MAN2B1: variants seen among roughly 807,000 people sequenced by gnomAD.
MAN2B1 encodes mannosidase alpha class 2B member 1, also known as lysosomal alpha-mannosidase.
Under a neutral mutation model 127.5 loss-of-function variants are expected in MAN2B1, and 99 were observed. The ratio of observed to expected loss-of-function variants is 0.78; its 90% CI spans 0.66 to 0.92. The LOEUF is 0.92. MAN2B1 is among the 40% of genes least tolerant of loss of function. The pLI is 0.00. For synonymous variants in MAN2B1, 573 were observed against 568.8 expected (o/e 1.01, Z -0.11); for missense variants, 1,304 against 1,384.8 (o/e 0.94, Z 0.93).
chr19:12,666,498 T>C, intron 1 of MAN2B1, 45 bp downstream of exon 1: 9 of 1,556,246 alleles, frequency 5.8e-6, no homozygotes, highest in Non-Finnish European at 7.8e-6. Context: ...GTATTCTGGG[T>C]TTCACTCTGC....
At chr19:12,649,726 C>T (rs561831927) in intron 18 of MAN2B1, among the ~76,000 whole-genome samples, 187 bp downstream of exon 18, 5 of 151,974 alleles carry the variant, frequency 3.3e-5, no homozygotes, top group Admixed American at 2.6e-4. Context: ...TTGTGATCTG[C>T]CCGCCTCGGC....
intron 6 of MAN2B1, among the ~76,000 whole-genome samples, chr19:12,661,863 G>A (rs1210181056): frequency 6.7e-6 from 1 of 148,194 alleles, no homozygotes; most frequent in Non-Finnish European, 1.5e-5. Context: ...TTTTTTTTTT[G>A]AGACAGAGTT....
rs1458498481 is a variant in MAN2B1, at chr19:12,650,360, T to TC, written c.2047-139_2047-138insG. 3 of 347,670 alleles carry TC rather than the reference T, an allele frequency of 8.6e-6. No homozygotes were observed. In the South Asian group the frequency reaches 1.2e-4, roughly 14 times the overall value. The allele number at this position is 347,670 out of a possible 1,614,324, so 21.5% of individuals were successfully genotyped here. A position where few individuals can be genotyped will look rare whatever the true frequency, so the allele number is the denominator to read the frequency against. The stretch of plus-strand genomic sequence containing the variant: ...CTTCAGTCACCGCCACATAATTCTT[T>TC]TTTTTTTTTTTTTTTTGAGACGGAG... On this transcript the variant is annotated intron_variant, in intron 16 of 23. Transcript: ENST00000456935.
chr19:12,660,978 C>A (rs147341886), intron 7 of MAN2B1: 1 of 373,812 alleles, frequency 2.7e-6, no homozygotes, highest in Non-Finnish European at 5.2e-6. Flanking sequence ...AGGCTGGTCT[C>A]GAATTCCTGA....
At chr19:12,663,013 C>T (rs1269745928) in intron 6 of MAN2B1, among the ~76,000 whole-genome samples, 4 of 151,144 alleles carry the variant, frequency 2.6e-5, no homozygotes, top group African/African-American at 4.9e-5. Context: ...TGCCTGTAAT[C>T]CCGGCACTTT....
At chr19:12,659,297 CTTT>C (rs34781385) in intron 7 of MAN2B1, among the ~76,000 whole-genome samples, 1,324 of 113,914 alleles carry the variant, frequency 0.012, 15 homozygotes, top group African/African-American at 0.039. Context: ...GCTCAATAAA[CTTT>C]TTTTTTTTTT....
Position 12,656,699 on chromosome 19 carries a change from G to T in MAN2B1, c.1528-12C>A. ...ACGATGACCTGGAACTGGGGAGGCG[G>T]GGGTCAGAGAGGGCATGGGTCACAG... On this transcript the variant is annotated splice_polypyrimidine_tract_variant and intron_variant, in intron 12 of 23. Coordinates refer to ENST00000456935, the MANE Select transcript of MAN2B1 (RefSeq NM_000528.4). 6.3e-7 allele frequency: 1 copy of T among 1,583,176 alleles called. No homozygotes were observed. The highest frequency in any genetic ancestry group is 8.7e-7 in the Non-Finnish European group (1 of 1,151,990).
Position 12,656,952 on chromosome 19 carries a change from C to T in MAN2B1, c.1524G>A (p.Ala508=), listed in dbSNP as rs1487601808. 1 of 1,612,648 alleles carries T rather than the reference C, an allele frequency of 6.2e-7. No homozygotes were observed. The highest frequency in any genetic ancestry group is 8.5e-7 in the Non-Finnish European group (1 of 1,179,344). ...ISICPLSQTA[A]RFQVIVYNPL... Reference sequence around the variant, plus strand: ...CACCCCTCCCGTCCCGGCTCACGCGCGCCGCCGTCTGGCTGAGCGGGCAGA... The same window carrying T: ...CACCCCTCCCGTCCCGGCTCACGCGTGCCGCCGTCTGGCTGAGCGGGCAGA... The change falls in exon 12 of 24, where the codon GCG becomes GCA. Residue 508 remains alanine (A), a synonymous_variant. Coordinates refer to ENST00000456935, the MANE Select transcript of MAN2B1 (RefSeq NM_000528.4).
At position 12,647,715 on chromosome 19, in the gene MAN2B1, G is replaced by C. The variant is rs1029823733; in HGVS notation, c.2665-117C>G. 1.6e-5 allele frequency: 13 copies of C among 826,986 alleles called. No individual in the cohort carries two copies. The highest frequency in any genetic ancestry group is 2.3e-5 in the Non-Finnish European group (12 of 532,826). 51.2% of individuals were successfully genotyped at this position (826,986 alleles called of 1,614,324 possible). On this transcript the variant is annotated intron_variant, in intron 21 of 23. Coordinates refer to ENST00000456935, the MANE Select transcript of MAN2B1 (RefSeq NM_000528.4). The surrounding 1 kb of genome is among the most constrained non-coding windows in gnomAD (Gnocchi z 4.9). ...TGTAGGGGCGGGGTTTCGCCGGAGA[G>C]GGGCAAGGCTCAGCCGAGAGGAGCG...
At position 12,646,522 on chromosome 19, in the gene MAN2B1, T is replaced by TA. The variant is rs2023690927; in HGVS notation, c.*97dup. 1 of 901,298 alleles carries TA rather than the reference T, an allele frequency of 1.1e-6. No homozygotes were observed. Among genetic ancestry groups the TA allele is most frequent in the Non-Finnish European group, 1.8e-6 (1 of 541,818 alleles). 55.8% of individuals were successfully genotyped at this position (901,298 alleles called of 1,614,324 possible). On this transcript the variant is annotated 3_prime_UTR_variant, in exon 24 of 24. Transcript: ENST00000456935. Reference sequence around the variant, plus strand: ...AGTCACAGAGCGACCTGAGTCTTAGTAGTAGCGTTTTAATGGCAGCAGCCC... The same window carrying TA: ...AGTCACAGAGCGACCTGAGTCTTAGTAAGTAGCGTTTTAATGGCAGCAGCCC...
At chr19:12,665,103 G>A (rs1037449151) in intron 3 of MAN2B1, 118 bp from the exon 4 acceptor site, 1 of 1,121,866 alleles carries the variant, frequency 8.9e-7, no homozygotes, top group African/African-American at 1.5e-5. Context: ...AAGGACAAGA[G>A]GGGTCGCTCC....
chr19:12,659,506 T>C (rs1309541941), intron 7 of MAN2B1, among the ~76,000 whole-genome samples: 2 of 151,900 alleles, frequency 1.3e-5, no homozygotes, highest in African/African-American at 4.8e-5. Flanking sequence ...TTTCACCATG[T>C]TGGCCAGGCT....
chr19:12,649,960 C>T lies in MAN2B1; in HGVS notation c.2220G>A (p.Lys740=), dbSNP rs1599341929. The change falls in exon 18 of 24, where the codon AAG becomes AAA. Residue 740 remains lysine (K), a synonymous_variant. Coordinates refer to ENST00000456935, the MANE Select transcript of MAN2B1 (RefSeq NM_000528.4). Reference sequence around the variant, plus strand: ...CATTGCTGTCTGTGTAGAAGCGTCCCTTTGTCTCCAGCGGTGTGTCAAAAC... The same window carrying T: ...CATTGCTGTCTGTGTAGAAGCGTCCTTTTGTCTCCAGCGGTGTGTCAAAAC... ...ISRFDTPLET[K]GRFYTDSNGR... is the part of the protein sequence containing the mutation. The T allele has an allele frequency of 1.9e-6, 3 of 1,614,030 alleles. No homozygotes were observed. The highest frequency in any genetic ancestry group is 2.5e-6 in the Non-Finnish European group (3 of 1,180,008).
intron 13 of MAN2B1, 71 bp downstream of exon 13, chr19:12,656,500 C>T: frequency 1.9e-6 from 2 of 1,057,258 alleles, no homozygotes; most frequent in Non-Finnish European, 1.5e-6. Flanking sequence ...AGGCGATATC[C>T]ATGGGGGCGA....
rs779091097 is a variant in MAN2B1, at chr19:12,663,396, G to A, written c.830C>T (p.Pro277Leu). The A allele has an allele frequency of 8.1e-6, 13 of 1,613,998 alleles. 1 individual carries two copies. The East Asian group carries it at 1.1e-4, about 14-fold the overall frequency. ...LCWDVLCVDQ[P>L]LVEDPRSPEY... ...GGGGCTGCGAGGGTCCTCCACCAGC[G>A]GCTGATCGACACACAGCACATCCCA... Residue 277 changes from proline (P) to leucine (L), a missense_variant, in exon 6 of 24, where the codon CCG (proline) becomes CTG (leucine). Coordinates refer to ENST00000456935, the MANE Select transcript of MAN2B1 (RefSeq NM_000528.4).
rs1420897719 is a variant in MAN2B1 at position 12,655,876 on chromosome 19, C to T, written c.1648G>A (p.Val550Ile). The T allele has an allele frequency of 1.2e-6, 2 of 1,613,374 alleles. No homozygotes were observed. Among genetic ancestry groups the T allele is most frequent in the Non-Finnish European group, 1.7e-6 (2 of 1,179,852 alleles). Residue 550 changes from valine to isoleucine, a missense_variant, in exon 14 of 24, where the codon GTA (valine) becomes ATA (isoleucine). Coordinates refer to ENST00000456935, the MANE Select transcript of MAN2B1 (RefSeq NM_000528.4). Reference protein sequence around the residue: ...PNGRTVPSDVVIFPSSDSQAH... With the variant: ...PNGRTVPSDVIIFPSSDSQAH... Reference sequence around the variant, plus strand: ...TGGCTGTCTGAGCTGGGAAATATTACCACCTCGGATAAAGGAGGAGGGAAA... The same window carrying T: ...TGGCTGTCTGAGCTGGGAAATATTATCACCTCGGATAAAGGAGGAGGGAAA...
rs749978005 is a variant in MAN2B1, at chr19:12,649,392, C to T, written c.2304G>A (p.Thr768=). 11 of 1,612,504 alleles carry T rather than the reference C, an allele frequency of 6.8e-6. No homozygotes were observed. The highest frequency in any genetic ancestry group is 2.2e-5 in the South Asian group (2 of 90,924). The part of the protein sequence containing the change: ...DYRPTWKLNQ[T]EPVAGNYYPV... ...GATAGTAGTTTCCTGCCACGGGCTC[C>T]GTCTGGTTCAGTTTCCAGGTGGGTC... Residue 768 remains threonine, a synonymous_variant, in exon 19 of 24, where the codon ACG becomes ACA. Coordinates refer to ENST00000456935, the MANE Select transcript of MAN2B1 (RefSeq NM_000528.4).
rs2145294761 is a variant in MAN2B1, at chr19:12,666,678, C to G, written c.24G>C (p.Ser8=). The G allele has an allele frequency of 1.9e-6, 3 of 1,551,102 alleles. No individual in the cohort carries two copies. The highest frequency in any genetic ancestry group is 1.7e-6 in the Non-Finnish European group (2 of 1,147,558). Residue 8 remains serine (S), a synonymous_variant, in exon 1 of 24, where the codon TCG becomes TCC. Transcript: ENST00000456935. MGAYARA[S]GVCARGCLDS... ...CCAGGCAGCCGCGAGCGCAGACCCCCGAAGCCCGCGCGTAGGCGCCCATGG... is the reference window on the plus strand; with the variant it reads ...CCAGGCAGCCGCGAGCGCAGACCCCGGAAGCCCGCGCGTAGGCGCCCATGG...
Position 12,664,990 on chromosome 19 carries a change from G to A in MAN2B1, c.437-5C>T, listed in dbSNP as rs1172175230. On this transcript the variant is annotated splice_region_variant and splice_polypyrimidine_tract_variant and intron_variant, in intron 3 of 23. Coordinates refer to ENST00000456935, the MANE Select transcript of MAN2B1 (RefSeq NM_000528.4). ...CATTGGCGAACTCCAGGCGCCCTGT[G>A]CCAGGACAGGCAAGGTCAGGGTCAG... The A allele has an allele frequency of 6.2e-7, 1 of 1,612,662 alleles. No homozygotes were observed.
Sources: allele counts gnomAD v4.1 joint callset (sites outside exome capture counted in the v4.1 genomes callset), GRCh38; gene constraint gnomAD v4.1.1; non-coding constraint Gnocchi (gnomAD v3.1); transcripts MANE v1.5; gene names NCBI Gene and HGNC (gene_info 2026-07-23, HGNC 2026-07-21).